MICU2: variants seen among roughly 807,000 people sequenced by gnomAD.
MICU2 encodes the protein calcium uptake protein 2, mitochondrial.
A neutral mutation model predicts 60.4 loss-of-function variants in MICU2; 64 were observed. That is an observed-to-expected ratio of 1.06 (90% CI 0.87 to 1.31). The LOEUF (loss-of-function observed/expected upper bound fraction) is 1.31, where lower values mean the gene tolerates loss of function less well. Ranked by LOEUF, MICU2 falls within the 50% of genes most tolerant of loss-of-function variation. The probability of loss-of-function intolerance (pLI) is 0.00; values close to 1 mark genes in which losing one functional copy is unlikely to be tolerated. For missense variants in MICU2, 569 were observed against 531.0 expected (o/e 1.07, Z -0.70); for synonymous variants, 201 against 175.0 (o/e 1.15, Z -1.17).
chr13:21,556,348 C>A (rs562304746), intron 2 of MICU2, among the ~76,000 whole-genome samples: 4 of 152,130 alleles, frequency 2.6e-5, no homozygotes, highest in Non-Finnish European at 5.9e-5. Flanking sequence ...TTCTTCCTAC[C>A]TTTTAGCTGC....
intron 1 of MICU2, among the ~76,000 whole-genome samples, chr13:21,594,473 G>A (rs999287323): frequency 2.6e-4 from 40 of 152,056 alleles, no homozygotes; most frequent in African/African-American, 8.9e-4. Context: ...ACAGTGTGGC[G>A]ACCTCAAGGA....
chr13:21,571,657 C>T (rs1170379846), intron 1 of MICU2, among the ~76,000 whole-genome samples: 1 of 152,210 alleles, frequency 6.6e-6, no homozygotes, highest in Non-Finnish European at 1.5e-5. Context: ...AAGATCGTGC[C>T]ACTGCACTCC....
chr13:21,561,840 T>A (rs1260986331), intron 2 of MICU2, among the ~76,000 whole-genome samples: 2 of 145,742 alleles, frequency 1.4e-5, no homozygotes, highest in Non-Finnish European at 3.0e-5. Flanking sequence ...TAGGTATATC[T>A]CCTAATGCTA....
intron 3 of MICU2, 31 bp downstream of exon 3, chr13:21,539,626 C>T: frequency 6.2e-7 from 1 of 1,613,900 alleles, no homozygotes; most frequent in African/African-American, 1.3e-5. Flanking sequence ...TTACCAAAAA[C>T]AAACCCTGCC....
intron 11 of MICU2, among the ~76,000 whole-genome samples, chr13:21,494,503 A>T (rs1885941464): frequency 6.6e-6 from 1 of 152,250 alleles, no homozygotes; most frequent in South Asian, 2.1e-4. Context: ...CACTATACTA[A>T]GTATTTTACA....
intron 2 of MICU2, among the ~76,000 whole-genome samples, chr13:21,559,529 CTT>C (rs71202427): frequency 2.8e-5 from 4 of 143,656 alleles, no homozygotes; most frequent in Admixed American, 2.1e-4. Flanking sequence ...TCTTTCTTTT[CTT>C]TTTTTTTTTT....
chr13:21,502,603 A>AC (rs1383011693), intron 9 of MICU2, among the ~76,000 whole-genome samples: 1 of 152,068 alleles, frequency 6.6e-6, no homozygotes, highest in Non-Finnish European at 1.5e-5. Flanking sequence ...GACAACTACT[A>AC]CCCCCTTTCA....
intron 1 of MICU2, among the ~76,000 whole-genome samples, chr13:21,583,689 C>T (rs916868470): frequency 6.6e-5 from 10 of 152,190 alleles, no homozygotes; most frequent in African/African-American, 1.4e-4. Flanking sequence ...CTACCATCAC[C>T]GAAAGAGCAG....
rs1886216402 is a variant in MICU2, at chr13:21,503,014, T to C, written c.845A>G (p.Asp282Gly). The C allele has an allele frequency of 4.3e-6, 7 of 1,610,712 alleles. No individual in the cohort carries two copies. Among genetic ancestry groups the C allele is most frequent in the Admixed American group, 1.7e-5 (1 of 59,454 alleles). Residue 282 changes from aspartate to glycine, a missense_variant, in exon 9 of 12, where the codon GAC (aspartate) becomes GGC (glycine). Coordinates refer to ENST00000382374, the MANE Select transcript of MICU2 (RefSeq NM_152726.3). ...SKGLSFMRKE[D>G]FAEWLLFFTN... is the part of the protein sequence containing the mutation. Reference sequence around the variant, plus strand: ...GAAAAAAAGTAGCCACTCTGCAAAGTCTTCTTTTCTCATGAAACTCAAACC... The same window carrying C: ...GAAAAAAAGTAGCCACTCTGCAAAGCCTTCTTTTCTCATGAAACTCAAACC...
chr13:21,578,816 T>C (rs1247555322), intron 1 of MICU2, among the ~76,000 whole-genome samples: 1 of 152,194 alleles, frequency 6.6e-6, no homozygotes, highest in Non-Finnish European at 1.5e-5. Context: ...ATTTTAAAAA[T>C]GCCTTTGTAA....
intron 1 of MICU2, among the ~76,000 whole-genome samples, chr13:21,576,069 A>T (rs1393611396): frequency 6.6e-6 from 1 of 152,248 alleles, no homozygotes; most frequent in Non-Finnish European, 1.5e-5. Flanking sequence ...TGAAAGGAAC[A>T]ACAAACATTT....
intron 2 of MICU2, among the ~76,000 whole-genome samples, chr13:21,556,349 T>C (rs778230395): frequency 1.2e-4 from 19 of 152,172 alleles, no homozygotes; most frequent in Non-Finnish European, 2.8e-4. Context: ...TCTTCCTACC[T>C]TTTAGCTGCT....
intron 2 of MICU2, among the ~76,000 whole-genome samples, chr13:21,562,783 A>G (rs1242993649): frequency 6.6e-6 from 1 of 152,196 alleles, no homozygotes; most frequent in Non-Finnish European, 1.5e-5. Flanking sequence ...GTTATCTGTT[A>G]TATCAATTTT....
intron 2 of MICU2, among the ~76,000 whole-genome samples, chr13:21,561,102 T>G (rs890885931): frequency 6.6e-6 from 1 of 152,230 alleles, no homozygotes; most frequent in African/African-American, 2.4e-5. Context: ...TCTGAGATGT[T>G]TCAGCTATCT....
At chr13:21,592,820 T>G (rs1222395697) in intron 1 of MICU2, among the ~76,000 whole-genome samples, 1 of 152,216 alleles carries the variant, frequency 6.6e-6, no homozygotes, top group Non-Finnish European at 1.5e-5. Context: ...CAACATCCCT[T>G]CATGTTTAAA....
intron 1 of MICU2, among the ~76,000 whole-genome samples, chr13:21,588,756 G>A (rs1888511062): frequency 6.6e-6 from 1 of 152,106 alleles, no homozygotes; most frequent in African/African-American, 2.4e-5. Context: ...ATCAACCAGA[G>A]GAAGGAAAAA....
intron 8 of MICU2, among the ~76,000 whole-genome samples, chr13:21,508,131 T>TC (rs113960154): frequency 4.0e-5 from 6 of 150,168 alleles, no homozygotes; most frequent in African/African-American, 1.5e-4. Context: ...CTTCTTTCTT[T>TC]TTTTTTTTTT....
At chr13:21,577,356 G>T (rs567219445) in intron 1 of MICU2, among the ~76,000 whole-genome samples, 1 of 151,774 alleles carries the variant, frequency 6.6e-6, no homozygotes, top group Admixed American at 6.5e-5. Flanking sequence ...TAACTTACTT[G>T]TTAAGAATTA....
intron 9 of MICU2, among the ~76,000 whole-genome samples, chr13:21,500,221 G>A (rs1167232870): frequency 1.3e-5 from 2 of 152,094 alleles, no homozygotes; most frequent in Non-Finnish European, 2.9e-5. Flanking sequence ...GCTACATTAC[G>A]ATAATAAAAT....
Sources: allele counts gnomAD v4.1 joint callset (sites outside exome capture counted in the v4.1 genomes callset), GRCh38; gene constraint gnomAD v4.1.1; transcripts MANE v1.5; gene names NCBI Gene and HGNC (gene_info 2026-07-23, HGNC 2026-07-21).